Variants in GBF1 observed in about 807,000 individuals in gnomAD.
The protein encoded by GBF1 is Golgi-specific brefeldin A-resistance guanine nucleotide exchange factor 1.
A neutral mutation model predicts 210.5 loss-of-function variants in GBF1; 114 were observed. That is an observed-to-expected ratio of 0.54 (90% CI 0.47 to 0.63). The LOEUF is 0.63. Ranked by LOEUF, GBF1 falls within the 30% of genes least tolerant of loss-of-function variation. GBF1 has a pLI of 0.00. For missense variants in GBF1, 1,851 were observed against 2,357.7 expected (o/e 0.79, Z 4.45); for synonymous variants, 850 against 889.2 (o/e 0.96, Z 0.78).
intron 3 of GBF1, among the ~76,000 whole-genome samples, chr10:102,298,177 C>CG (rs2077059014): frequency 1.3e-5 from 2 of 152,114 alleles, no homozygotes; most frequent in African/African-American, 4.8e-5. Flanking sequence ...TCGTGATCCC[C>CG]CCGCCTCAGC....
At chr10:102,364,365 C>T (rs1275356864) in intron 17 of GBF1, among the ~76,000 whole-genome samples, 1 of 150,822 alleles carries the variant, frequency 6.6e-6, no homozygotes, top group Non-Finnish European at 1.5e-5. Flanking sequence ...GCTGGGACTA[C>T]AGGCGTGTGC....
At chr10:102,262,300 A>T (rs529854313) in intron 3 of GBF1, among the ~76,000 whole-genome samples, 2 of 152,200 alleles carry the variant, frequency 1.3e-5, no homozygotes, top group African/African-American at 4.8e-5. Context: ...GCCTGTACCG[A>T]CTGGTACTTG....
Position 102,306,463 on chromosome 10 carries a change from G to A in GBF1, c.164-37588G>A, listed in dbSNP as rs111962685. ...TTTGAGATGGAGTTCTGCTCTTGTC[G>A]CCCAGGCTGGAGTGCAATGGCGCAA... is the stretch of plus-strand genomic sequence containing the variant. On this transcript the variant is annotated intron_variant, in intron 3 of 39. Transcript: ENST00000369983. 4.1e-3 allele frequency among the ~76,000 whole-genome samples: 620 copies of A among 152,092 alleles called. 9 individuals carry two copies. The highest frequency in any genetic ancestry group is 0.013 in the African/African-American group (551 of 41,494).
intron 3 of GBF1, among the ~76,000 whole-genome samples, chr10:102,310,931 G>A (rs2078365295): frequency 6.6e-6 from 1 of 152,218 alleles, no homozygotes; most frequent in Admixed American, 6.5e-5. Context: ...CATCCCGCTG[G>A]ATGGCCCTGT....
At chr10:102,231,988 G>A in the GBF1 span, 4 of 1,610,486 alleles carry the variant, frequency 2.5e-6, no homozygotes, top group South Asian at 2.2e-5. Flanking sequence ...CCTTGCAGCC[G>A]TGCTCTGGGA....
intron 3 of GBF1, among the ~76,000 whole-genome samples, chr10:102,276,860 T>G (rs1355330001): frequency 2.6e-5 from 4 of 152,152 alleles, no homozygotes; most frequent in African/African-American, 9.7e-5. Context: ...ATCAGGACAT[T>G]GAATCAAATG....
rs752697736 is a variant in GBF1 at position 102,376,766 on chromosome 10, T to C, written c.4254T>C (p.Thr1418=). The change falls in exon 32 of 40, where the codon ACT becomes ACC. Residue 1418 remains threonine (T), a synonymous_variant. Coordinates refer to ENST00000369983, the MANE Select transcript of GBF1 (RefSeq NM_001377137.1). ...TPDNFELCVK[T]LRIFVEASLN... ...ACAACTTTGAGCTCTGCGTCAAGACTCTCCGGATCTTTGTGGAGGCCAGTC... is the reference window on the plus strand; with the variant it reads ...ACAACTTTGAGCTCTGCGTCAAGACCCTCCGGATCTTTGTGGAGGCCAGTC... 14 of 1,609,210 alleles carry C rather than the reference T, an allele frequency of 8.7e-6. No individual in the cohort carries two copies. Among genetic ancestry groups the C allele is most frequent in the Non-Finnish European group, 1.1e-5 (13 of 1,179,966 alleles).
chr10:102,330,136 A>AAAAC (rs747025533), intron 3 of GBF1, among the ~76,000 whole-genome samples: 2 of 151,988 alleles, frequency 1.3e-5, no homozygotes, highest in African/African-American at 4.8e-5. Context: ...ACTCTGTCTC[A>AAAAC]AAACAAACAA....
chr10:102,381,822 C>CGAG (rs141680642), intron 39 of GBF1, among the ~76,000 whole-genome samples: 41 of 57,712 alleles, frequency 7.1e-4, no homozygotes, highest in Non-Finnish European at 1.2e-3. Flanking sequence ...GACCCTGTCG[C>CGAG]GAAAAAAAAA....
intron 1 of GBF1, among the ~76,000 whole-genome samples, chr10:102,258,247 C>G (rs1383067034): frequency 1.3e-5 from 2 of 150,062 alleles, no homozygotes; most frequent in African/African-American, 4.9e-5. Context: ...CTCTGCCTCC[C>G]AGGTCCAAGC....
intron 3 of GBF1, among the ~76,000 whole-genome samples, chr10:102,277,196 G>A (rs1186222721): frequency 1.3e-5 from 2 of 152,080 alleles, no homozygotes; most frequent in Admixed American, 1.3e-4. Flanking sequence ...AGTGGCATGT[G>A]CCTGCTGTTC....
chr10:102,262,176 C>G (rs564966743), intron 3 of GBF1, among the ~76,000 whole-genome samples: 2 of 152,288 alleles, frequency 1.3e-5, no homozygotes, highest in African/African-American at 4.8e-5. Context: ...GCAAATTTCA[C>G]TCAATTGAAA....
intron 3 of GBF1, among the ~76,000 whole-genome samples, chr10:102,289,925 C>T (rs2076293599): frequency 6.6e-6 from 1 of 151,970 alleles, no homozygotes; most frequent in Admixed American, 6.5e-5. Flanking sequence ...GCCTGGGCAA[C>T]ATAGTGGGAC....
chr10:102,356,863 A>T (rs943229533), intron 8 of GBF1, among the ~76,000 whole-genome samples: 8 of 152,172 alleles, frequency 5.3e-5, no homozygotes, highest in Non-Finnish European at 8.8e-5. Context: ...AATAGTTAAC[A>T]AACAGGTGAT....
chr10:102,306,860 A>T (rs1187686219), intron 3 of GBF1, among the ~76,000 whole-genome samples: 1 of 152,224 alleles, frequency 6.6e-6, no homozygotes, highest in Non-Finnish European at 1.5e-5. Flanking sequence ...TCCTCATGTT[A>T]TCAGTCACTG....
intron 4 of GBF1, among the ~76,000 whole-genome samples, chr10:102,350,247 G>A (rs925240481): frequency 6.6e-6 from 1 of 152,000 alleles, no homozygotes; most frequent in Non-Finnish European, 1.5e-5. Flanking sequence ...TACTCGGGAA[G>A]CCTCAGGCAG....
rs1457458837 is a variant in GBF1, at chr10:102,379,382, T to G, written c.4593T>G (p.Ile1531Met). The G allele has an allele frequency of 1.9e-6, 3 of 1,613,966 alleles. No individual in the cohort carries two copies. The highest frequency in any genetic ancestry group is 1.7e-5 in the Admixed American group (1 of 59,998). ...ACCTGGAGACAGGTGGCCAGAAGATTGAAGCTGATTCTCGCACCCTCTGGG... is the reference window on the plus strand; with the variant it reads ...ACCTGGAGACAGGTGGCCAGAAGATGGAAGCTGATTCTCGCACCCTCTGGG... ...QRHLETGGQK[I>M]EADSRTLWAH... Residue 1531 changes from isoleucine (I) to methionine (M), a missense_variant, in exon 34 of 40, where the codon ATT (isoleucine) becomes ATG (methionine). Ile to Met is a conservative substitution (Grantham distance 10). Transcript: ENST00000369983.
chr10:102,377,047 C>T lies in GBF1; in HGVS notation c.4401C>T (p.Ser1467=). Residue 1467 remains serine, a synonymous_variant, in exon 33 of 40, where the codon AGC becomes AGT. Transcript: ENST00000369983. Reference sequence around the variant, plus strand: ...TGCTTCGCCGGCCTCGAACCTCCAGCCAACATGCCTCTCGGGGCGGGCAGA... The same window carrying T: ...TGCTTCGCCGGCCTCGAACCTCCAGTCAACATGCCTCTCGGGGCGGGCAGA... The part of the protein sequence containing the change: ...GSMLRRPRTS[S]QHASRGGQSD... The T allele has an allele frequency of 6.2e-7, 1 of 1,614,110 alleles. No individual in the cohort carries two copies. Among genetic ancestry groups the T allele is most frequent in the South Asian group, 1.1e-5 (1 of 91,080 alleles).
intron 26 of GBF1, 24 bp from the exon 27 acceptor site, chr10:102,370,150 C>A: frequency 1.3e-6 from 2 of 1,583,418 alleles, no homozygotes; most frequent in Non-Finnish European, 1.7e-6. Flanking sequence ...GTCAAAGACC[C>A]CCTCTCTCTT....
Sources: allele counts gnomAD v4.1 joint callset (sites outside exome capture counted in the v4.1 genomes callset), GRCh38; gene constraint gnomAD v4.1.1; transcripts MANE v1.5; gene names NCBI Gene and HGNC (gene_info 2026-07-23, HGNC 2026-07-21).